The following SGMS1 variants were observed in gnomAD, a reference collection of about 807,000 sequenced individuals.
The protein encoded by SGMS1 is phosphatidylcholine:ceramide cholinephosphotransferase 1.
In SGMS1, 13 loss-of-function variants were observed where a neutral mutation model predicts 46.2. The observed-to-expected ratio is 0.28, with a 90% CI of 0.18 to 0.45. SGMS1 has a LOEUF of 0.45. Ranked by LOEUF, SGMS1 falls within the 20% of genes least tolerant of loss-of-function variation. The pLI is 1.00. For synonymous variants in SGMS1, 203 were observed against 187.8 expected, an observed-to-expected ratio of 1.08 and a Z score of -0.66; for missense variants, 324 against 519.9, an observed-to-expected ratio of 0.62 and a Z score of 3.66.
rs558369433 is a variant in SGMS1, at chr10:50,320,196, T to C, written c.741+7009A>G. ...CCCAAACATGTCCCCCACTCTGCCC[T>C]GGTCTAGGCCTTCCTCATCTCTAAT... On this transcript the variant is annotated intron_variant, in intron 8 of 10. Coordinates refer to ENST00000361781, the MANE Select transcript of SGMS1 (RefSeq NM_147156.4). 2.0e-5 allele frequency among the ~76,000 whole-genome samples: 3 copies of C among 152,258 alleles called. No individual in the cohort carries two copies. In the East Asian group the frequency reaches 5.8e-4, roughly 29 times the overall value.
At chr10:50,580,872 T>C (rs1040066588) in intron 2 of SGMS1, among the ~76,000 whole-genome samples, 2 of 152,068 alleles carry the variant, frequency 1.3e-5, no homozygotes, top group Non-Finnish European at 2.9e-5. Context: ...TTAACACGAG[T>C]CAACCATACA....
chr10:50,355,619 G>A (rs896555339), intron 6 of SGMS1, among the ~76,000 whole-genome samples: 3 of 152,080 alleles, frequency 2.0e-5, no homozygotes, highest in Non-Finnish European at 2.9e-5. Flanking sequence ...ATCTCGGCTC[G>A]CTACAACCTC....
intron 5 of SGMS1, among the ~76,000 whole-genome samples, chr10:50,459,288 T>C (rs7905289): frequency 0.011 from 1,615 of 152,330 alleles, 34 homozygotes; most frequent in African/African-American, 0.037. Context: ...AAGTTGAAAA[T>C]ACTTATTTTT....
At chr10:50,509,025 C>T (rs1252088216) in intron 3 of SGMS1, among the ~76,000 whole-genome samples, 4 of 152,160 alleles carry the variant, frequency 2.6e-5, no homozygotes, top group African/African-American at 9.7e-5. Flanking sequence ...TTGGTAAGTG[C>T]TTGCTCAACT....
intron 2 of SGMS1, among the ~76,000 whole-genome samples, chr10:50,555,024 C>A (rs1470950256): frequency 1.3e-5 from 2 of 152,164 alleles, no homozygotes; most frequent in African/African-American, 4.8e-5. Flanking sequence ...CACCTCTAAC[C>A]ATATAGGAAA....
chr10:50,541,101 T>C (rs1002512245), intron 2 of SGMS1, among the ~76,000 whole-genome samples: 2 of 152,182 alleles, frequency 1.3e-5, no homozygotes, highest in African/African-American at 4.8e-5. Context: ...CCAACCAGCG[T>C]TGGAGACCTT....
intron 2 of SGMS1, among the ~76,000 whole-genome samples, chr10:50,562,361 C>CGT (rs1838246474): frequency 8.3e-6 from 1 of 119,840 alleles, no homozygotes. Flanking sequence ...TGTGTGCGCG[C>CGT]GCGCACACAC....
chr10:50,582,406 A>T (rs1167050312), intron 2 of SGMS1, among the ~76,000 whole-genome samples: 1 of 152,174 alleles, frequency 6.6e-6, no homozygotes, highest in Non-Finnish European at 1.5e-5. Flanking sequence ...AATGGCATCT[A>T]TTTGCAGACA....
intron 6 of SGMS1, among the ~76,000 whole-genome samples, chr10:50,404,500 T>C (rs1485321526): frequency 6.6e-6 from 1 of 152,008 alleles, no homozygotes; most frequent in Non-Finnish European, 1.5e-5. Context: ...TCCTAGCTAC[T>C]TGGGAGGAGC....
At chr10:50,578,631 C>T (rs936588983) in intron 2 of SGMS1, among the ~76,000 whole-genome samples, 1 of 152,062 alleles carries the variant, frequency 6.6e-6, no homozygotes, top group Non-Finnish European at 1.5e-5. Context: ...AATAGAACAC[C>T]AAGCTAATGC....
At chr10:50,600,726 C>T (rs1838642066) in intron 1 of SGMS1, among the ~76,000 whole-genome samples, 1 of 152,174 alleles carries the variant, frequency 6.6e-6, no homozygotes, top group African/African-American at 2.4e-5. Flanking sequence ...TTCCACTAAC[C>T]TTTTTGAGAG....
chr10:50,380,351 C>A (rs1331370437), intron 6 of SGMS1, among the ~76,000 whole-genome samples: 1 of 149,614 alleles, frequency 6.7e-6, no homozygotes, highest in Non-Finnish European at 1.5e-5. Context: ...TGCACTCCAG[C>A]CTGGGCAACA....
chr10:50,399,698 T>C (rs1392303963), intron 6 of SGMS1, among the ~76,000 whole-genome samples: 2 of 151,992 alleles, frequency 1.3e-5, no homozygotes, highest in Non-Finnish European at 2.9e-5. Flanking sequence ...CTCTTGGAAG[T>C]AGAAAAGGGT....
At chr10:50,454,535 G>A (rs1035121649) in intron 5 of SGMS1, among the ~76,000 whole-genome samples, 5 of 152,020 alleles carry the variant, frequency 3.3e-5, no homozygotes, top group Admixed American at 6.5e-5. Flanking sequence ...ATTCAACATG[G>A]GTCACAATGA....
intron 1 of SGMS1, among the ~76,000 whole-genome samples, chr10:50,597,914 A>G (rs972695303): frequency 6.6e-6 from 1 of 151,626 alleles, no homozygotes; most frequent in African/African-American, 2.4e-5. Flanking sequence ...CAGGAGGCTG[A>G]GGCAGGAGAA....
At chr10:50,350,561 G>A (rs950332826) in intron 6 of SGMS1, among the ~76,000 whole-genome samples, 2 of 152,244 alleles carry the variant, frequency 1.3e-5, no homozygotes, top group Non-Finnish European at 2.9e-5. Flanking sequence ...TTCATGGGCC[G>A]GGTCCAGGGT....
In SGMS1 at chr10:50,556,309, C is replaced by T. The variant is rs372592636; in HGVS notation, c.-589+33844G>A. The stretch of plus-strand genomic sequence containing the variant: ...GTATACACAACCACTGCCCTCAGGA[C>T]CACCCCACAGTAGTGTCAGACAAGT... On this transcript the variant is annotated intron_variant, in intron 2 of 10. Coordinates refer to ENST00000361781, the MANE Select transcript of SGMS1 (RefSeq NM_147156.4). Among the ~76,000 whole-genome samples, 16 of 152,280 alleles carry T rather than the reference C, an allele frequency of 1.1e-4. No homozygotes were observed. In the East Asian group the frequency reaches 2.7e-3, roughly 26 times the overall value.
At chr10:50,451,162 C>T (rs558073672) in intron 5 of SGMS1, among the ~76,000 whole-genome samples, 1 of 152,176 alleles carries the variant, frequency 6.6e-6, no homozygotes, top group Non-Finnish European at 1.5e-5. Context: ...AAAATTAAAA[C>T]TTCCAAACAC....
At chr10:50,618,912 A>T (rs906854586) in intron 1 of SGMS1, among the ~76,000 whole-genome samples, 1 of 152,190 alleles carries the variant, frequency 6.6e-6, no homozygotes, top group Admixed American at 6.5e-5. Flanking sequence ...CTGTATTTCT[A>T]ACAGTTCAGA....
Sources: allele counts gnomAD v4.1 joint callset (sites outside exome capture counted in the v4.1 genomes callset), GRCh38; gene constraint gnomAD v4.1.1; transcripts MANE v1.5; gene names NCBI Gene and HGNC (gene_info 2026-07-23, HGNC 2026-07-21).